Variants in PRICKLE1 observed in about 807,000 individuals in gnomAD.
The protein encoded by PRICKLE1 is prickle-like protein 1.
A neutral mutation model predicts 70.2 loss-of-function variants in PRICKLE1; 14 were observed. The ratio of observed to expected loss-of-function variants is 0.20; its 90% CI spans 0.13 to 0.31. PRICKLE1 has a LOEUF of 0.31. Among genes scored for constraint, PRICKLE1 ranks in the 10% least tolerant of loss-of-function variants. The pLI is 1.00. For missense variants in PRICKLE1, 821 were observed against 1,026.2 expected (o/e 0.80, Z 2.73); for synonymous variants, 357 against 379.9 (o/e 0.94, Z 0.70).
intron 3 of PRICKLE1, 159 bp downstream of exon 3, chr12:42,470,087 T>C (rs1938256096): frequency 3.1e-6 from 2 of 636,672 alleles, no homozygotes; most frequent in Non-Finnish European, 5.6e-6. Context: ...TCTCTTTCTC[T>C]CAAAGAATGG....
chr12:42,504,368 A>G (rs1279990573), intron 1 of PRICKLE1, among the ~76,000 whole-genome samples: 2 of 152,144 alleles, frequency 1.3e-5, no homozygotes, highest in Admixed American at 6.5e-5. Flanking sequence ...CTGACTGGGG[A>G]ATCAAAGAAT....
intron 1 of PRICKLE1, among the ~76,000 whole-genome samples, chr12:42,517,699 AT>A (rs1244239818): frequency 6.6e-6 from 1 of 152,012 alleles, no homozygotes; most frequent in Non-Finnish European, 1.5e-5. Context: ...TACCAGCCTT[AT>A]TGCCTCCTCC....
rs2708061 is a variant in PRICKLE1 at position 42,468,503 on chromosome 12, G to C, written c.588+123C>G. 891,639 of 900,104 alleles carry C rather than the reference G, an allele frequency of 0.99. 442,083 individuals carry two copies. The highest frequency in any genetic ancestry group is 1 in the East Asian group (39,166 of 39,166). 55.8% of individuals were successfully genotyped at this position (900,104 alleles called of 1,614,324 possible). ...TCATTGTATGAATGTACAGGATTAT[G>C]TTTAAAACATGCACACAGAACAAAA... On this transcript the variant is annotated intron_variant, in intron 5 of 7. Transcript: ENST00000345127.
chr12:42,561,882 T>G (rs1940519521), intron 1 of PRICKLE1, among the ~76,000 whole-genome samples: 1 of 151,148 alleles, frequency 6.6e-6, no homozygotes, highest in African/African-American at 2.4e-5. Flanking sequence ...AATATGATGT[T>G]CCACTAATTT....
intron 1 of PRICKLE1, chr12:42,483,026 C>G (rs1162539813): frequency 6.6e-6 from 1 of 152,512 alleles, no homozygotes; most frequent in African/African-American, 2.4e-5. Context: ...GCCCCAGGAG[C>G]CAGAGGCCGA....
intron 1 of PRICKLE1, among the ~76,000 whole-genome samples, chr12:42,568,087 C>CTTGAGAT (rs538852895): frequency 6.6e-6 from 1 of 152,292 alleles, no homozygotes; most frequent in Admixed American, 6.5e-5. Flanking sequence ...ATAAATCATC[C>CTTGAGAT]TTGAGATCTG....
chr12:42,557,702 T>C (rs903079745), intron 1 of PRICKLE1, among the ~76,000 whole-genome samples: 1 of 152,258 alleles, frequency 6.6e-6, no homozygotes, highest in Non-Finnish European at 1.5e-5. Flanking sequence ...ATTACAATTC[T>C]GAGGTTTCTG....
chr12:42,492,246 C>T (rs887140984), intron 1 of PRICKLE1, among the ~76,000 whole-genome samples: 3 of 152,160 alleles, frequency 2.0e-5, no homozygotes, highest in Admixed American at 6.5e-5. Context: ...TGATTACAGG[C>T]GTGAGGCACT....
At chr12:42,521,978 TC>T (rs369465109) in intron 1 of PRICKLE1, among the ~76,000 whole-genome samples, 1 of 135,606 alleles carries the variant, frequency 7.4e-6, no homozygotes, top group Non-Finnish European at 1.5e-5. Context: ...GTGTTTAACT[TC>T]TTTTTTTTTT....
intron 1 of PRICKLE1, among the ~76,000 whole-genome samples, chr12:42,508,917 A>G (rs1347839327): frequency 6.6e-6 from 1 of 152,212 alleles, no homozygotes; most frequent in Non-Finnish European, 1.5e-5. Flanking sequence ...TGGCTATGAA[A>G]TCCTATAATT....
intron 1 of PRICKLE1, among the ~76,000 whole-genome samples, chr12:42,533,240 C>T (rs1177380800): frequency 6.7e-6 from 1 of 149,256 alleles, no homozygotes; most frequent in Admixed American, 6.7e-5. Context: ...ATTTTTTACC[C>T]GTTTGACAAT....
At chr12:42,467,455 G>A (rs1327905180) in intron 5 of PRICKLE1, among the ~76,000 whole-genome samples, 1 of 152,066 alleles carries the variant, frequency 6.6e-6, no homozygotes, top group African/African-American at 2.4e-5. Context: ...TCCAAAATAT[G>A]TTCAGCGGAG....
At chr12:42,466,501 G>C (rs1938103250) in intron 5 of PRICKLE1, 121 bp from the exon 6 acceptor site, 2 of 813,480 alleles carry the variant, frequency 2.5e-6, no homozygotes, top group Non-Finnish European at 4.1e-6. Context: ...AAATCAGATA[G>C]CTAACCTTGT....
intron 1 of PRICKLE1, chr12:42,550,355 G>A (rs1030727452): frequency 6.6e-6 from 1 of 152,124 alleles, no homozygotes; most frequent in Non-Finnish European, 1.5e-5. Flanking sequence ...GAAAAAATCT[G>A]TTGAGTAAAT....
Position 42,470,731 on chromosome 12 carries a change from C to T in PRICKLE1, c.133-372G>A, listed in dbSNP as rs532223622. 8.5e-4 allele frequency among the ~76,000 whole-genome samples: 129 copies of T among 152,208 alleles called. 1 individual carries two copies. Among genetic ancestry groups the T allele is most frequent in the African/African-American group, 2.9e-3 (121 of 41,510 alleles). On this transcript the variant is annotated intron_variant, in intron 2 of 7. Transcript: ENST00000345127. ...GACCAGCCTGACCAACACGGTGAAA[C>T]CCTGTCTCTACTAAAACTACAAAAA...
At chr12:42,578,831 T>G (rs780926333) in intron 1 of PRICKLE1, among the ~76,000 whole-genome samples, 3 of 152,064 alleles carry the variant, frequency 2.0e-5, no homozygotes, top group Non-Finnish European at 4.4e-5. Flanking sequence ...GGCACGATCT[T>G]GGCTCACTGC....
chr12:42,553,031 C>G (rs1004743430), intron 1 of PRICKLE1, among the ~76,000 whole-genome samples: 2 of 152,254 alleles, frequency 1.3e-5, no homozygotes, highest in African/African-American at 4.8e-5. Context: ...CGGCTCACCT[C>G]CTGCTGTGCG....
intron 1 of PRICKLE1, among the ~76,000 whole-genome samples, chr12:42,552,880 T>A (rs1245765312): frequency 1.3e-5 from 2 of 152,156 alleles, no homozygotes; most frequent in East Asian, 3.9e-4. Flanking sequence ...AGGCAATAGA[T>A]CCTCATAAGA....
intron 1 of PRICKLE1, among the ~76,000 whole-genome samples, chr12:42,554,303 C>T (rs1159464621): frequency 6.6e-6 from 1 of 152,042 alleles, no homozygotes; most frequent in Non-Finnish European, 1.5e-5. Context: ...CATAGTGTTC[C>T]TCATTCTTAT....
Sources: allele counts gnomAD v4.1 joint callset (sites outside exome capture counted in the v4.1 genomes callset), GRCh38; gene constraint gnomAD v4.1.1; transcripts MANE v1.5; gene names NCBI Gene and HGNC (gene_info 2026-07-23, HGNC 2026-07-21).